ACCS: variants seen among roughly 807,000 people sequenced by gnomAD.
ACCS encodes 1-aminocyclopropane-1-carboxylate synthase-like protein 1.
ACCS carries 42 observed loss-of-function variants against 59.8 expected under a neutral mutation model. The observed-to-expected ratio is 0.70, with a 90% CI of 0.55 to 0.91. The LOEUF (loss-of-function observed/expected upper bound fraction) is 0.91. Ranked by LOEUF, ACCS falls within the 40% of genes least tolerant of loss-of-function variation. ACCS has a pLI of 0.00. For missense variants in ACCS, 602 were observed against 630.4 expected (o/e 0.95, Z 0.48); for synonymous variants, 230 against 240.3 (o/e 0.96, Z 0.40).
chr11:44,075,696 A>G (rs940662171), intron 6 of ACCS, 104 bp downstream of exon 6: 4 of 1,372,314 alleles, frequency 2.9e-6, no homozygotes, highest in South Asian at 1.3e-5. Context: ...TTCGGGCACA[A>G]TAGAATATAC....
rs1953712116 is a variant in ACCS at position 44,083,094 on chromosome 11, T to C, written c.1112-75T>C. 8 of 1,572,186 alleles carry C rather than the reference T, an allele frequency of 5.1e-6. No individual in the cohort carries two copies. In the South Asian group the frequency reaches 9.1e-5, roughly 18 times the overall value. On this transcript the variant is annotated intron_variant, in intron 12 of 14. Coordinates refer to ENST00000263776, the MANE Select transcript of ACCS (RefSeq NM_032592.4). Reference sequence around the variant, plus strand: ...CCTGGCAGCTTGTGGCCTTTTTCTTTACAGCATTTAGACTAGTGGGACCAA... The same window carrying C: ...CCTGGCAGCTTGTGGCCTTTTTCTTCACAGCATTTAGACTAGTGGGACCAA...
intron 1 of ACCS, 56 bp from the exon 2 acceptor site, chr11:44,067,572 A>G: frequency 6.6e-7 from 1 of 1,523,480 alleles, no homozygotes; most frequent in Non-Finnish European, 8.8e-7. Flanking sequence ...CTCCTTTCTG[A>G]TGCTTGGTGC....
rs1279570719 is a variant in ACCS, at chr11:44,067,627, G to A, written c.1-1G>A. ...GGCCTGTGCGTTTTGTCTTTTTGCAGATGTTCACCCTTCCTCAAAAGGACT... is the reference window on the plus strand; with the variant it reads ...GGCCTGTGCGTTTTGTCTTTTTGCAAATGTTCACCCTTCCTCAAAAGGACT... On this transcript the variant is annotated splice_acceptor_variant, in intron 1 of 14. Coordinates refer to ENST00000263776, the MANE Select transcript of ACCS (RefSeq NM_032592.4). LOFTEE classifies it low-confidence loss of function (5UTR_SPLICE). 1 of 1,600,146 alleles carries A rather than the reference G, an allele frequency of 6.2e-7. No individual in the cohort carries two copies. The highest frequency in any genetic ancestry group is 1.7e-5 in the Admixed American group (1 of 57,888).
chr11:44,083,825 C>A lies in ACCS; in HGVS notation c.*33C>A. 6.4e-7 allele frequency: 1 copy of A among 1,566,412 alleles called. No individual in the cohort carries two copies. On this transcript the variant is annotated 3_prime_UTR_variant, in exon 15 of 15. Coordinates refer to ENST00000263776, the MANE Select transcript of ACCS (RefSeq NM_032592.4). Reference sequence around the variant, plus strand: ...ATTGTCTCGTGGCCAGAGGGCCCAGCAGCCACTGTGGACCTGGGGCGTTCT... The same window carrying A: ...ATTGTCTCGTGGCCAGAGGGCCCAGAAGCCACTGTGGACCTGGGGCGTTCT...
At chr11:44,082,607 T>C (rs1953689310) in intron 12 of ACCS, among the ~76,000 whole-genome samples, 1 of 152,192 alleles carries the variant, frequency 6.6e-6, no homozygotes, top group Non-Finnish European at 1.5e-5. Context: ...CAGATCTGTT[T>C]ATAGTCACAT....
chr11:44,077,824 C>T (rs774981438), intron 7 of ACCS, 21 bp from the exon 8 acceptor site: 5 of 1,610,852 alleles, frequency 3.1e-6, no homozygotes, highest in Middle Eastern at 1.7e-4. Flanking sequence ...TGGCTGGTGG[C>T]TCTGATGGGT....
At position 44,067,789 on chromosome 11, in the gene ACCS, C is replaced by A; in HGVS notation, c.162C>A (p.Ala54=). ...LPELRGVGDP[A]MISSDTSYLS... is the part of the protein sequence containing the mutation. ...AGCTCCGTGGAGTGGGTGATCCTGC[C>A]ATGATCTCCTCTGATACCTCCTACC... Residue 54 remains alanine (A), a synonymous_variant, in exon 2 of 15, where the codon GCC becomes GCA. Transcript: ENST00000263776. The A allele has an allele frequency of 6.2e-7, 1 of 1,614,170 alleles. No individual in the cohort carries two copies. Among genetic ancestry groups the A allele is most frequent in the Non-Finnish European group, 8.5e-7 (1 of 1,180,042 alleles).
At chr11:44,067,516 C>T in intron 1 of ACCS, 112 bp from the exon 2 acceptor site, 1 of 1,170,774 alleles carries the variant, frequency 8.5e-7, no homozygotes, top group Non-Finnish European at 1.2e-6. Flanking sequence ...GTGCATAAAC[C>T]TAAAGGAAGG....
At chr11:44,072,703 A>T (rs983018197) in intron 3 of ACCS, among the ~76,000 whole-genome samples, 4 of 152,144 alleles carry the variant, frequency 2.6e-5, no homozygotes, top group Non-Finnish European at 5.9e-5. Context: ...CTTTTTTCCT[A>T]CCAAGTTTTC....
intron 9 of ACCS, 168 bp downstream of exon 9, chr11:44,078,952 C>T (rs1953507159): frequency 5.0e-6 from 3 of 603,020 alleles, no homozygotes; most frequent in Non-Finnish European, 8.8e-6. Flanking sequence ...ATGCCCATTC[C>T]TCTTTATCTT....
At position 44,077,910 on chromosome 11, in the gene ACCS, A is replaced by G. The variant is rs746623811; in HGVS notation, c.720A>G (p.Glu240=). 7.4e-6 allele frequency: 12 copies of G among 1,613,800 alleles called. No homozygotes were observed. Among genetic ancestry groups the G allele is most frequent in the Non-Finnish European group, 9.3e-6 (11 of 1,179,942 alleles). The change falls in exon 8 of 15, where the codon GAA becomes GAG. Residue 240 remains glutamate, a synonymous_variant. Coordinates refer to ENST00000263776, the MANE Select transcript of ACCS (RefSeq NM_032592.4). ...TVEKLEMALR[E]AHSEGVKVKG... is the part of the protein sequence containing the mutation. ...AGAAGCTGGAGATGGCCCTGAGAGA[A>G]GCTCACTCTGAGGTCTGGGGATCAA... is the stretch of plus-strand genomic sequence containing the variant.
At position 44,078,785 on chromosome 11, in the gene ACCS, G is replaced by A. The variant is rs1227972643; in HGVS notation, c.833+1G>A. 1 of 1,613,706 alleles carries A rather than the reference G, an allele frequency of 6.2e-7. No individual in the cohort carries two copies. The highest frequency in any genetic ancestry group is 1.3e-5 in the African/African-American group (1 of 74,902). ...AGGAGTACCTGGTATTTGCCAAGAG[G>A]TGAGGCACCCCACACTGGCCCCGAC... is the stretch of plus-strand genomic sequence containing the variant. On this transcript the variant is annotated splice_donor_variant, in intron 9 of 14. Transcript: ENST00000263776. LOFTEE classifies it high-confidence loss of function.
At chr11:44,083,024 T>C (rs1590517465) in intron 12 of ACCS, 145 bp from the exon 13 acceptor site, 2 of 1,100,314 alleles carry the variant, frequency 1.8e-6, no homozygotes, top group Non-Finnish European at 2.6e-6. Flanking sequence ...CCCTTCGTAA[T>C]CCTTCCCACC....
chr11:44,075,526 G>A lies in ACCS; in HGVS notation c.490G>A (p.Val164Met), dbSNP rs1226020850. The change falls in exon 6 of 15, where the codon GTG becomes ATG. Residue 164 changes from valine to methionine, a missense_variant and splice_region_variant. Transcript: ENST00000263776. ...CATCCCTTGGATATGTCGCCCTTAG[G>A]TGGTTGTCCTGAATGGTGGTGCCTC... ...KSPVPLRPENVVVLNGGASLF... is the reference protein window; with the variant it reads ...KSPVPLRPENMVVLNGGASLF... 1.9e-6 allele frequency: 3 copies of A among 1,614,054 alleles called. No homozygotes were observed. The highest frequency in any genetic ancestry group is 2.2e-5 in the East Asian group (1 of 44,880).
At chr11:44,070,398 G>T (rs1952995302) in intron 2 of ACCS, among the ~76,000 whole-genome samples, 1 of 152,168 alleles carries the variant, frequency 6.6e-6, no homozygotes, top group African/African-American at 2.4e-5. Flanking sequence ...TGTTTTGAAG[G>T]TAGAGCTGCC....
rs564881087 is a variant in ACCS, at chr11:44,083,973, T to A, written c.*181T>A. ...AGTGGGAAACTCCTTAAGCTGTGGT[T>A]CAGCCTGGGCCCTCCCTCTCTCCTA... On this transcript the variant is annotated 3_prime_UTR_variant, in exon 15 of 15. Transcript: ENST00000263776. 7.4e-7 allele frequency: 1 copy of A among 1,356,138 alleles called. No individual in the cohort carries two copies. The highest frequency in any genetic ancestry group is 1.5e-5 in the South Asian group (1 of 66,196). 84.0% of individuals were successfully genotyped at this position (1,356,138 alleles called of 1,614,324 possible). A position where few individuals can be genotyped will look rare whatever the true frequency, so the allele number is the denominator to read the frequency against.
At chr11:44,081,090 G>C (rs771216478) in intron 11 of ACCS, 25 bp downstream of exon 11, 14 of 1,614,074 alleles carry the variant, frequency 8.7e-6, no homozygotes, top group Non-Finnish European at 1.1e-5. Context: ...GGCCTTGGGG[G>C]TGTCAGAAGG....
rs575281445 is a variant in ACCS, at chr11:44,073,742, C to T, written c.419+225C>T. On this transcript the variant is annotated intron_variant, in intron 4 of 14. Coordinates refer to ENST00000263776, the MANE Select transcript of ACCS (RefSeq NM_032592.4). ...AGGCTGAGGGCCTAGTCCTGGAGAC[C>T]TGGCGACTATGGGGTCTCCTGCCAG... Among the ~76,000 whole-genome samples, 9 of 152,308 alleles carry T rather than the reference C, an allele frequency of 5.9e-5. No homozygotes were observed. The East Asian group carries it at 1.7e-3, about 29-fold the overall frequency.
chr11:44,078,181 C>T (rs555708964), intron 8 of ACCS: 1 of 488,078 alleles, frequency 2.0e-6, no homozygotes, highest in East Asian at 3.5e-5. Flanking sequence ...TACCCCCATC[C>T]CTGATCCATC....
Sources: gnomAD v4.1 joint callset for allele counts (sites outside exome capture counted in the v4.1 genomes callset) on GRCh38, gnomAD v4.1.1 for gene constraint, MANE v1.5 for transcripts, NCBI Gene and HGNC (gene_info 2026-07-23, HGNC 2026-07-21) for gene names.